ARHGAP39: variants seen among roughly 807,000 people sequenced by gnomAD.
ARHGAP39 encodes rho GTPase-activating protein 39.
Under a neutral mutation model 106.9 loss-of-function variants are expected in ARHGAP39, and 44 were observed. The ratio of observed to expected loss-of-function variants is 0.41; its 90% CI spans 0.32 to 0.53. ARHGAP39 has a LOEUF of 0.53. Ranked by LOEUF, ARHGAP39 falls within the 20% of genes least tolerant of loss-of-function variation. The probability of loss-of-function intolerance (pLI) is 0.21; values close to 1 mark genes in which losing one functional copy is unlikely to be tolerated. For synonymous variants in ARHGAP39, 768 were observed against 693.2 expected, an observed-to-expected ratio of 1.11 and a Z score of -1.69; for missense variants, 1,496 against 1,577.3, an observed-to-expected ratio of 0.95 and a Z score of 0.87.
chr8:144,686,594 A>G (rs1822595574), upstream of ARHGAP39, among the ~76,000 whole-genome samples: 1 of 152,160 alleles, frequency 6.6e-6, no homozygotes, highest in South Asian at 2.1e-4. Context: ...GTCAAAAGTC[A>G]TCCGTGGAGC....
intron 1 of ARHGAP39, among the ~76,000 whole-genome samples, chr8:144,617,185 C>T (rs1400344527): frequency 6.0e-5 from 9 of 150,502 alleles, no homozygotes; most frequent in East Asian, 5.8e-4. Flanking sequence ...CTGGCCTGGG[C>T]GACAGAGCGA....
chr8:144,605,797 T>G (rs376576240), intron 1 of ARHGAP39, 102 bp from the exon 2 acceptor site: 1 of 645,436 alleles, frequency 1.5e-6, no homozygotes, highest in Non-Finnish European at 2.7e-6. Context: ...AGGATGACGA[T>G]GGACTCCACG....
chr8:144,575,965 G>A (rs550622295), intron 3 of ARHGAP39, among the ~76,000 whole-genome samples: 29 of 152,242 alleles, frequency 1.9e-4, no homozygotes, highest in Non-Finnish European at 3.4e-4. Context: ...GAAATGTTAC[G>A]TGGCACGTGA....
chr8:144,673,502 T>C (rs1005035851), intron 1 of ARHGAP39, among the ~76,000 whole-genome samples: 2 of 152,244 alleles, frequency 1.3e-5, no homozygotes, highest in African/African-American at 2.4e-5. Context: ...TTTTAGAATA[T>C]TTTCATTATG....
chr8:144,686,954 G>A (rs62529939), upstream of ARHGAP39, among the ~76,000 whole-genome samples: 1,164 of 15,184 alleles, frequency 0.077, 56 homozygotes, highest in Admixed American at 0.11. Flanking sequence ...CTGTGACCAC[G>A]CACTGGCGGC....
At chr8:144,622,468 C>G (rs1391277576) in intron 1 of ARHGAP39, among the ~76,000 whole-genome samples, 1 of 151,952 alleles carries the variant, frequency 6.6e-6, no homozygotes, top group African/African-American at 2.4e-5. Context: ...CGGGCTCTGC[C>G]ACAATGACCC....
intron 1 of ARHGAP39, among the ~76,000 whole-genome samples, chr8:144,637,721 T>C (rs1208066662): frequency 6.6e-6 from 1 of 152,134 alleles, no homozygotes; most frequent in African/African-American, 2.4e-5. Flanking sequence ...CTTTTTTTTT[T>C]AGACGGTCTT....
chr8:144,657,399 G>A (rs1821724435), intron 1 of ARHGAP39, among the ~76,000 whole-genome samples: 1 of 152,156 alleles, frequency 6.6e-6, no homozygotes, highest in South Asian at 2.1e-4. Flanking sequence ...GGTTGAGGCT[G>A]CAGCCAACTC....
intron 4 of ARHGAP39, 70 bp downstream of exon 4, chr8:144,555,490 G>A (rs1817881314): frequency 9.8e-6 from 13 of 1,327,054 alleles, no homozygotes; most frequent in Non-Finnish European, 1.3e-5. Context: ...CCTCCCACTT[G>A]CAGTTAGCCT....
At chr8:144,549,080 C>T (rs967682204) in intron 4 of ARHGAP39, among the ~76,000 whole-genome samples, 2 of 152,258 alleles carry the variant, frequency 1.3e-5, no homozygotes, top group Non-Finnish European at 2.9e-5. Context: ...CCAGAGTCCC[C>T]GGAGTCACGC....
intron 2 of ARHGAP39, among the ~76,000 whole-genome samples, chr8:144,583,606 T>C (rs1407508505): frequency 6.6e-6 from 1 of 152,214 alleles, no homozygotes; most frequent in East Asian, 1.9e-4. Flanking sequence ...CATGGATGCT[T>C]CCTGCCTGCG....
rs141546252 is a variant in ARHGAP39 at position 144,646,530 on chromosome 8, C to T, written c.-82+39156G>A. On this transcript the variant is annotated intron_variant, in intron 1 of 11. Transcript: ENST00000377307. The surrounding 1 kb of genome is among the most constrained non-coding windows in gnomAD (Gnocchi z 5.7). ...GGACACCAAAAGACAGGAGGCGAAT[C>T]GGCTGCCTCTGAGAACAACTGGGGT... Among the ~76,000 whole-genome samples the T allele has an allele frequency of 2.0e-5, 3 of 152,292 alleles. No individual in the cohort carries two copies. The highest frequency in any genetic ancestry group is 7.2e-5 in the African/African-American group (3 of 41,562).
chr8:144,661,376 C>T (rs540142406), intron 1 of ARHGAP39, among the ~76,000 whole-genome samples: 12 of 152,322 alleles, frequency 7.9e-5, no homozygotes, highest in African/African-American at 2.9e-4. Flanking sequence ...CACCTGGCCT[C>T]GGTCTCTTTC....
chr8:144,616,408 G>C (rs1051140730), intron 1 of ARHGAP39, among the ~76,000 whole-genome samples: 1 of 152,260 alleles, frequency 6.6e-6, no homozygotes, highest in Non-Finnish European at 1.5e-5. Context: ...GAAAACCCAT[G>C]GAAGGGCTTT....
chr8:144,648,123 C>T (rs1177911397), intron 1 of ARHGAP39, among the ~76,000 whole-genome samples: 1 of 152,174 alleles, frequency 6.6e-6, no homozygotes, highest in African/African-American at 2.4e-5. Context: ...CCTGAGGACA[C>T]CATGCTATAA....
chr8:144,547,015 C>T lies in ARHGAP39; in HGVS notation c.1959+112G>A, dbSNP rs377300227. ...GGAGACACGGGGCTTCAGAACTCTG[C>T]GTGCTGCGTGCACGCCCTGGACGCC... On this transcript the variant is annotated intron_variant, in intron 5 of 11. Coordinates refer to ENST00000377307, the MANE Select transcript of ARHGAP39 (RefSeq NM_025251.3). This position sits in a 1 kb window ranked among gnomAD's most constrained non-coding sequence, Gnocchi z 5.2. 8 of 1,311,770 alleles carry T rather than the reference C, an allele frequency of 6.1e-6. No individual in the cohort carries two copies. Among genetic ancestry groups the T allele is most frequent in the East Asian group, 5.2e-5 (2 of 38,264 alleles). The allele number at this position is 1,311,770 out of a possible 1,614,324, so 81.3% of individuals were successfully genotyped here.
chr8:144,596,825 G>A (rs371978596), intron 2 of ARHGAP39, among the ~76,000 whole-genome samples: 95 of 152,314 alleles, frequency 6.2e-4, no homozygotes, highest in African/African-American at 2.2e-3. Context: ...ATGATAGATC[G>A]TCCTCCAGAC....
At chr8:144,635,085 C>G (rs1006249967) in intron 1 of ARHGAP39, among the ~76,000 whole-genome samples, 6 of 152,236 alleles carry the variant, frequency 3.9e-5, no homozygotes, top group Admixed American at 3.3e-4. Context: ...TGGTCTTCAT[C>G]CCACCCTGGC....
chr8:144,576,534 G>A (rs1818785128), intron 3 of ARHGAP39, among the ~76,000 whole-genome samples: 1 of 152,094 alleles, frequency 6.6e-6, no homozygotes, highest in African/African-American at 2.4e-5. Context: ...GGCCTCTCTG[G>A]GGAAGAACAG....
Sources: allele counts gnomAD v4.1 joint callset (sites outside exome capture counted in the v4.1 genomes callset), GRCh38; gene constraint gnomAD v4.1.1; non-coding constraint Gnocchi (gnomAD v3.1); transcripts MANE v1.5; gene names NCBI Gene and HGNC (gene_info 2026-07-23, HGNC 2026-07-21).